The following ADCY9 variants were observed in gnomAD, a reference collection of about 807,000 sequenced individuals.
ADCY9 encodes the protein adenylate cyclase type 9.
In ADCY9, 50 loss-of-function variants were observed where a neutral mutation model predicts 101.5. The ratio of observed to expected loss-of-function variants is 0.49; its 90% CI spans 0.39 to 0.62. The LOEUF is 0.62. Among genes scored for constraint, ADCY9 ranks in the 20% least tolerant of loss-of-function variants. The pLI is 0.00. For missense variants in ADCY9, 1,662 were observed against 1,800.4 expected, an observed-to-expected ratio of 0.92 and a Z score of 1.39; for synonymous variants, 905 against 769.3, an observed-to-expected ratio of 1.18 and a Z score of -2.92.
At chr16:3,979,770 G>C (rs2056125259) in intron 7 of ADCY9, among the ~76,000 whole-genome samples, 1 of 152,230 alleles carries the variant, frequency 6.6e-6, no homozygotes, top group South Asian at 2.1e-4. Flanking sequence ...CATGTGGGCA[G>C]GTGCCACCCA....
intron 2 of ADCY9, chr16:4,053,964 GC>G (rs1555441008): frequency 6.0e-5 from 6 of 100,400 alleles, no homozygotes; most frequent in Non-Finnish European, 1.0e-4. Flanking sequence ...CCCTTGCCCC[GC>G]CCCACCCCAC....
At chr16:3,989,142 C>CA in intron 5 of ADCY9, 46 bp from the exon 6 acceptor site, 1 of 1,342,164 alleles carries the variant, frequency 7.5e-7, no homozygotes, top group Non-Finnish European at 1.1e-6. Context: ...AGCACCATAA[C>CA]TGTGCCAATG....
At chr16:3,968,793 T>G (rs2056021738) in intron 10 of ADCY9, among the ~76,000 whole-genome samples, 2 of 152,328 alleles carry the variant, frequency 1.3e-5, no homozygotes, top group African/African-American at 4.8e-5. Context: ...ATTTAGAATT[T>G]CCTTAGAAAT....
rs553450429 is a variant in ADCY9, at chr16:4,114,074, C to A, written c.1369G>T (p.Asp457Tyr). ...ATCTCGATGCAGCAGTAGGCATGGT[C>A]GGCCCGGGGCTCGGGACAGCCCGCC... Reference protein sequence around the residue: ...CVAGCPEPRADHAYCCIEMGL... With the variant: ...CVAGCPEPRAYHAYCCIEMGL... Residue 457 changes from aspartate (D) to tyrosine (Y), a missense_variant, in exon 2 of 11, where the codon GAC becomes TAC. This residue lies in a region of ADCY9 where 228 missense variants were observed against 301.1 expected (regional missense o/e 0.76). Coordinates refer to ENST00000294016, the MANE Select transcript of ADCY9 (RefSeq NM_001116.4). The surrounding 1 kb of genome is among the most constrained non-coding windows in gnomAD (Gnocchi z 4.3). 6.2e-7 allele frequency: 1 copy of A among 1,613,822 alleles called. No homozygotes were observed. The highest frequency in any genetic ancestry group is 8.5e-7 in the Non-Finnish European group (1 of 1,180,032).
chr16:4,019,045 G>A (rs1033286122), intron 2 of ADCY9, among the ~76,000 whole-genome samples: 13 of 150,560 alleles, frequency 8.6e-5, no homozygotes, highest in African/African-American at 2.2e-4. Context: ...GCATGATCAC[G>A]GCTCACTGCA....
At chr16:4,060,346 G>T (rs2056767348) in intron 2 of ADCY9, among the ~76,000 whole-genome samples, 1 of 152,198 alleles carries the variant, frequency 6.6e-6, no homozygotes, top group Non-Finnish European at 1.5e-5. Flanking sequence ...AGACTGAAGA[G>T]GGCCCTGGTT....
chr16:4,044,884 A>G (rs946759080), intron 2 of ADCY9, among the ~76,000 whole-genome samples: 2 of 152,070 alleles, frequency 1.3e-5, no homozygotes, highest in African/African-American at 4.8e-5. Flanking sequence ...CTTTCCCCAG[A>G]CCAACAATCC....
chr16:4,085,035 G>A (rs2056928694), intron 2 of ADCY9, among the ~76,000 whole-genome samples: 1 of 152,080 alleles, frequency 6.6e-6, no homozygotes, highest in African/African-American at 2.4e-5. Context: ...GCTGAGTGGT[G>A]GCACTGGCTG....
Position 3,963,701 on chromosome 16 carries a change from C to T in ADCY9, c.*2074G>A, listed in dbSNP as rs951156921. 6 of 233,032 alleles carry T rather than the reference C, an allele frequency of 2.6e-5. No individual in the cohort carries two copies. The highest frequency in any genetic ancestry group is 4.1e-5 in the Non-Finnish European group (5 of 120,854). 14.4% of individuals were successfully genotyped at this position (233,032 alleles called of 1,614,324 possible). A position where few individuals can be genotyped will look rare whatever the true frequency, so the allele number is the denominator to read the frequency against. ...AGACAGCAAGGTCGTGAGCAAACGCCCAGCCCCTCAAAGCTACACAGCCTG... is the reference window on the plus strand; with the variant it reads ...AGACAGCAAGGTCGTGAGCAAACGCTCAGCCCCTCAAAGCTACACAGCCTG... On this transcript the variant is annotated 3_prime_UTR_variant, in exon 11 of 11. Transcript: ENST00000294016.
intron 5 of ADCY9, among the ~76,000 whole-genome samples, chr16:3,955,656 T>G (rs968378295): frequency 1.2e-4 from 18 of 151,410 alleles, no homozygotes; most frequent in African/African-American, 4.4e-4. Flanking sequence ...CCAAGCACTT[T>G]TCCTGTCTCA....
At chr16:3,996,684 T>C (rs2056289348) in intron 3 of ADCY9, among the ~76,000 whole-genome samples, 1 of 152,216 alleles carries the variant, frequency 6.6e-6, no homozygotes, top group Non-Finnish European at 1.5e-5. Flanking sequence ...TGAAAACTTC[T>C]GTTAACTATG....
chr16:4,075,535 T>C (rs1258265085), intron 2 of ADCY9, among the ~76,000 whole-genome samples: 1 of 152,198 alleles, frequency 6.6e-6, no homozygotes, highest in Non-Finnish European at 1.5e-5. Context: ...AAGGGAAAAC[T>C]GGATGTACTG....
At chr16:4,100,200 T>G (rs2057033512) in intron 2 of ADCY9, among the ~76,000 whole-genome samples, 1 of 152,192 alleles carries the variant, frequency 6.6e-6, no homozygotes, top group African/African-American at 2.4e-5. Context: ...CTGACACCAT[T>G]TAAGATGCGC....
intron 2 of ADCY9, among the ~76,000 whole-genome samples, chr16:4,043,110 A>C (rs575967676): frequency 1.2e-3 from 183 of 152,222 alleles, no homozygotes; most frequent in African/African-American, 4.0e-3. Context: ...GGGCGACTGA[A>C]GTCCCAGCTA....
At chr16:4,083,157 T>A (rs529183215) in intron 2 of ADCY9, among the ~76,000 whole-genome samples, 2 of 152,360 alleles carry the variant, frequency 1.3e-5, no homozygotes, top group Admixed American at 1.3e-4. Context: ...AATGCGTTTT[T>A]TTGTTTGTTT....
chr16:3,993,263 C>T, intron 4 of ADCY9, 143 bp downstream of exon 4: 1 of 1,426,198 alleles, frequency 7.0e-7, no homozygotes, highest in Non-Finnish European at 9.4e-7. Flanking sequence ...GTCTCTTCAA[C>T]ACCCGGAGGA....
chr16:3,979,284 G>C lies in ADCY9; in HGVS notation c.2520-9C>G. 6.2e-7 allele frequency: 1 copy of C among 1,613,412 alleles called. No homozygotes were observed. Among genetic ancestry groups the C allele is most frequent in the Non-Finnish European group, 8.5e-7 (1 of 1,179,786 alleles). ...CCAGGAAGAACACCATCCTGCGAGA[G>C]GCATGGGGGTTAGCAGGAGCGACGG... On this transcript the variant is annotated splice_polypyrimidine_tract_variant and intron_variant, in intron 7 of 10. Transcript: ENST00000294016.
chr16:3,958,145 C>G (rs907341191), downstream of ADCY9, among the ~76,000 whole-genome samples: 4 of 152,126 alleles, frequency 2.6e-5, no homozygotes, highest in Non-Finnish European at 5.9e-5. Context: ...GATACACTAC[C>G]CTGAAAGACT....
At chr16:3,976,201 C>A (rs1597138371) in intron 9 of ADCY9, among the ~76,000 whole-genome samples, 1 of 152,116 alleles carries the variant, frequency 6.6e-6, no homozygotes, top group Non-Finnish European at 1.5e-5. Flanking sequence ...CCGTGTTGCC[C>A]AGGCTGTCTT....
Sources: allele counts gnomAD v4.1 joint callset (sites outside exome capture counted in the v4.1 genomes callset), GRCh38; gene constraint gnomAD v4.1.1; regional missense constraint gnomAD v4.1.1; non-coding constraint Gnocchi (gnomAD v3.1); transcripts MANE v1.5; gene names NCBI Gene and HGNC (gene_info 2026-07-23, HGNC 2026-07-21).